The following TEAD1 variants were observed in gnomAD, a reference collection of about 807,000 sequenced individuals.
TEAD1 encodes the protein TEA domain transcription factor 1.
In TEAD1, 9 loss-of-function variants were observed where a neutral mutation model predicts 54.9. The observed-to-expected ratio is 0.16, with a 90% confidence interval of 0.10 to 0.29. The LOEUF is 0.29. Ranked by LOEUF, TEAD1 falls within the 10% of genes least tolerant of loss-of-function variation. TEAD1 has a pLI of 1.00. For missense variants in TEAD1, 387 were observed against 535.9 expected (o/e 0.72, Z 2.74); for synonymous variants, 200 against 187.8 (o/e 1.07, Z -0.53).
rs777237601 is a variant in TEAD1 at position 12,938,761 on chromosome 11, G to A, written c.*1539G>A. ...GGTTTGATGTGGCCAGATGTTTTGA[G>A]TTATTTCCCTTAAGTGTTTCACTGG... On this transcript the variant is annotated 3_prime_UTR_variant, in exon 13 of 13. Coordinates refer to ENST00000527636, the MANE Select transcript of TEAD1 (RefSeq NM_021961.6). 8 of 152,258 alleles carry A rather than the reference G, an allele frequency of 5.3e-5. No individual in the cohort carries two copies. The highest frequency in any genetic ancestry group is 7.2e-5 in the African/African-American group (3 of 41,468). The allele number at this position is 152,258 out of a possible 1,614,324, so 9.4% of individuals were successfully genotyped here. A position where few individuals can be genotyped will look rare whatever the true frequency, so the allele number is the denominator to read the frequency against.
intron 3 of TEAD1, among the ~76,000 whole-genome samples, chr11:12,767,911 A>G (rs1401937487): frequency 3.9e-5 from 6 of 152,108 alleles, no homozygotes; most frequent in African/African-American, 1.4e-4. Context: ...GGGAGAGGAG[A>G]TAGATAGCAG....
chr11:12,836,074 A>G (rs978036159), intron 3 of TEAD1, among the ~76,000 whole-genome samples: 8 of 152,220 alleles, frequency 5.3e-5, no homozygotes, highest in African/African-American at 1.9e-4. Flanking sequence ...TACATATATG[A>G]TAACATCATA....
intron 8 of TEAD1, among the ~76,000 whole-genome samples, chr11:12,882,350 T>C (rs1947990477): frequency 6.6e-6 from 1 of 152,160 alleles, no homozygotes; most frequent in South Asian, 2.1e-4. Flanking sequence ...GCTACCTTTC[T>C]TTAAAGGAGA....
chr11:12,796,364 G>T (rs1344646793), intron 3 of TEAD1, among the ~76,000 whole-genome samples: 1 of 152,188 alleles, frequency 6.6e-6, no homozygotes, highest in Non-Finnish European at 1.5e-5. Flanking sequence ...CATTTATAGA[G>T]ATGCTATTGT....
At position 12,773,142 on chromosome 11, in the gene TEAD1, G is replaced by GT. The variant is rs1426635198; in HGVS notation, c.202+8709dup. On this transcript the variant is annotated intron_variant, in intron 3 of 12. Transcript: ENST00000527636. ...TTATCATTGAGTAGTATTCTGTGGT[G>GT]TGTATGTACCACAGTTTGTTTAACC... is the stretch of plus-strand genomic sequence containing the variant. Among the ~76,000 whole-genome samples the GT allele has an allele frequency of 3.3e-5, 5 of 152,274 alleles. No individual in the cohort carries two copies. The East Asian group carries it at 5.8e-4, about 18-fold the overall frequency.
Position 12,723,985 on chromosome 11 carries a change from A to G in TEAD1, c.-54-40194A>G, listed in dbSNP as rs145201721. On this transcript the variant is annotated intron_variant, in intron 2 of 12. Transcript: ENST00000527636. Reference sequence around the variant, plus strand: ...TGATGACAAACTCTTTTACTCTCCTATACATACCATGGCCACTGAACTGGT... The same window carrying G: ...TGATGACAAACTCTTTTACTCTCCTGTACATACCATGGCCACTGAACTGGT... Among the ~76,000 whole-genome samples, 557 of 152,262 alleles carry G rather than the reference A, an allele frequency of 3.7e-3. 5 individuals are homozygous for G. Among genetic ancestry groups the G allele is most frequent in the African/African-American group, 0.013 (526 of 41,550 alleles).
In TEAD1 at chr11:12,922,288, C is replaced by A. The variant is rs1229745737; in HGVS notation, c.874-2624C>A. ...CTCGGCTCACTGCAAGCTCCGCCTCCCGGGTTCACGCCATTCTCCTGCCTC... is the reference window on the plus strand; with the variant it reads ...CTCGGCTCACTGCAAGCTCCGCCTCACGGGTTCACGCCATTCTCCTGCCTC... On this transcript the variant is annotated intron_variant, in intron 10 of 12. Transcript: ENST00000527636. 3.8e-5 allele frequency among the ~76,000 whole-genome samples: 2 copies of A among 52,718 alleles called. 1 individual carries two copies. Among genetic ancestry groups the A allele is most frequent in the Non-Finnish European group, 8.3e-5 (2 of 24,130 alleles). 34.6% of individuals were successfully genotyped at this position (52,718 alleles called of 152,430 possible).
At chr11:12,924,881 A>C in intron 10 of TEAD1, 31 bp from the exon 11 acceptor site, 6 of 1,614,064 alleles carry the variant, frequency 3.7e-6, no homozygotes, top group Non-Finnish European at 4.2e-6. Flanking sequence ...GGATGAGAGA[A>C]TAACCCACAC....
At chr11:12,827,484 G>T (rs1293696466) in intron 3 of TEAD1, among the ~76,000 whole-genome samples, 3 of 152,170 alleles carry the variant, frequency 2.0e-5, no homozygotes, top group Non-Finnish European at 4.4e-5. Flanking sequence ...AGAACACTTA[G>T]TATCCCTATT....
intron 9 of TEAD1, among the ~76,000 whole-genome samples, chr11:12,884,302 C>CTG (rs1282808665): frequency 6.6e-6 from 1 of 152,188 alleles, no homozygotes; most frequent in Non-Finnish European, 1.5e-5. Flanking sequence ...AAGGCAAAAA[C>CTG]TGAAGGAATC....
chr11:12,712,511 A>C (rs1402852350), intron 2 of TEAD1, among the ~76,000 whole-genome samples: 3 of 152,210 alleles, frequency 2.0e-5, no homozygotes, highest in African/African-American at 7.2e-5. Flanking sequence ...AGTTGGTAAA[A>C]TGGAAATGAT....
intron 9 of TEAD1, among the ~76,000 whole-genome samples, chr11:12,891,748 C>T (rs537886292): frequency 6.6e-6 from 1 of 152,338 alleles, no homozygotes; most frequent in South Asian, 2.1e-4. Context: ...GTCTGAATTT[C>T]ACAGTGTATG....
At chr11:12,863,788 C>T (rs910512179) in intron 4 of TEAD1, among the ~76,000 whole-genome samples, 3 of 152,098 alleles carry the variant, frequency 2.0e-5, no homozygotes, top group Non-Finnish European at 2.9e-5. Flanking sequence ...AACCAAGTCC[C>T]ACTGAAAGAG....
intron 9 of TEAD1, among the ~76,000 whole-genome samples, chr11:12,899,900 G>A (rs1948392153): frequency 6.6e-6 from 1 of 152,230 alleles, no homozygotes; most frequent in Non-Finnish European, 1.5e-5. Context: ...GGCATCAGAT[G>A]GAGTGTCCAG....
chr11:12,730,441 T>TTTTC (rs1159202103), intron 2 of TEAD1, among the ~76,000 whole-genome samples: 1 of 122,622 alleles, frequency 8.2e-6, no homozygotes. Flanking sequence ...TTTTTTTTTT[T>TTTTC]TCCTAACGGT....
chr11:12,812,203 T>C lies in TEAD1; in HGVS notation c.202+47769T>C, dbSNP rs2165282. Among the ~76,000 whole-genome samples, 2,721 of 152,094 alleles carry C rather than the reference T, an allele frequency of 0.018. 182 individuals are homozygous for C. The East Asian group carries it at 0.2, about 11-fold the overall frequency. On this transcript the variant is annotated intron_variant, in intron 3 of 12. Transcript: ENST00000527636. The stretch of plus-strand genomic sequence containing the variant: ...TGGACTGAGAAAATTGCTTCCTGGG[T>C]TTATAGAGATGGTAGGGGAAATGAC...
rs1277608834 is a variant in TEAD1 at position 12,696,607 on chromosome 11, G to A, written c.-55+21046G>A. On this transcript the variant is annotated intron_variant, in intron 2 of 12. Transcript: ENST00000527636. ...CTGATTCAGGGGTCTTCAGATGGAC[G>A]CCTTGGCCTTATAATGAACTCGTAT... Among the ~76,000 whole-genome samples, 5 of 152,276 alleles carry A rather than the reference G, an allele frequency of 3.3e-5. No individual in the cohort carries two copies. The South Asian group carries it at 6.2e-4, about 19-fold the overall frequency.
At chr11:12,686,949 C>G (rs959140002) in intron 2 of TEAD1, among the ~76,000 whole-genome samples, 16 of 152,112 alleles carry the variant, frequency 1.1e-4, no homozygotes, top group Admixed American at 2.0e-4. Context: ...GGCGTCTAGA[C>G]TTTGTTGTTG....
chr11:12,699,681 T>C (rs1943655275), intron 2 of TEAD1, among the ~76,000 whole-genome samples: 1 of 152,228 alleles, frequency 6.6e-6, no homozygotes, highest in African/African-American at 2.4e-5. Context: ...CCATGTCTCT[T>C]TATTTACCAG....
Sources: allele counts gnomAD v4.1 joint callset (sites outside exome capture counted in the v4.1 genomes callset), GRCh38; gene constraint gnomAD v4.1.1; transcripts MANE v1.5; gene names NCBI Gene and HGNC (gene_info 2026-07-23, HGNC 2026-07-21).